Variants in PON1 observed in about 807,000 individuals in gnomAD.
PON1 encodes the protein serum paraoxonase/arylesterase 1.
Under a neutral mutation model 39.2 loss-of-function variants are expected in PON1, and 37 were observed. That is an observed-to-expected ratio of 0.94 (90% CI 0.73 to 1.24). The LOEUF (loss-of-function observed/expected upper bound fraction) is 1.24. Ranked by LOEUF, PON1 falls within the 50% of genes most tolerant of loss-of-function variation. The pLI is 0.00. For synonymous variants in PON1, 148 were observed against 152.2 expected, an observed-to-expected ratio of 0.97 and a Z score of 0.21; for missense variants, 397 against 413.5, an observed-to-expected ratio of 0.96 and a Z score of 0.35.
intron 3 of PON1, 81 bp from the exon 4 acceptor site, chr7:95,315,571 T>C: frequency 7.0e-7 from 1 of 1,427,634 alleles, no homozygotes; most frequent in Non-Finnish European, 9.8e-7. Context: ...GCCCATGGGT[T>C]CATGTTGACT....
At chr7:95,319,059 G>C (rs1164798091) in intron 1 of PON1, among the ~76,000 whole-genome samples, 2 of 151,670 alleles carry the variant, frequency 1.3e-5, no homozygotes, top group Non-Finnish European at 1.5e-5. Flanking sequence ...TGCCTGAGCA[G>C]AGCGAAGCTA....
Position 95,298,946 on chromosome 7 carries a change from A to G in PON1, c.1066T>C (p.Ter356GlnextTer11), listed in dbSNP as rs781236821. Residue 356 changes from the stop codon to glutamine, a stop_lost, in exon 9 of 9, where the codon TAA becomes CAA. Coordinates refer to ENST00000222381, the MANE Select transcript of PON1 (RefSeq NM_000446.7). ...TGGCATGGGTGCAAATCGGTCTGTT[A>G]GAGCTCACAGTAAAGAGCTTTGTGA... ...VFHKALYCEL[*>Q] The G allele has an allele frequency of 1.9e-6, 3 of 1,614,034 alleles. No individual in the cohort carries two copies. In the Admixed American group the frequency reaches 5.0e-5, roughly 27 times the overall value.
At chr7:95,307,072 TTA>T (rs138932437) in intron 6 of PON1, among the ~76,000 whole-genome samples, 51,808 of 146,494 alleles carry the variant, frequency 0.35, 9,696 homozygotes, top group East Asian at 0.61. Flanking sequence ...TTTTTTTTTT[TTA>T]AAAAAAAACA....
chr7:95,305,733 G>C (rs1807525279), intron 7 of PON1, among the ~76,000 whole-genome samples: 1 of 152,068 alleles, frequency 6.6e-6, no homozygotes, highest in African/African-American at 2.4e-5. Flanking sequence ...AGAGGGAATG[G>C]TGCCCCGTTC....
chr7:95,322,781 G>T (rs3917476), intron 1 of PON1, among the ~76,000 whole-genome samples: 11,185 of 152,140 alleles, frequency 0.074, 619 homozygotes, highest in African/African-American at 0.14. Flanking sequence ...GAGACTCGTG[G>T]GTGGGAGACT....
rs1221691994 is a variant in PON1, at chr7:95,302,338, A to C, written c.781-5T>G. The C allele has an allele frequency of 6.2e-6, 10 of 1,603,514 alleles. No homozygotes were observed. Among genetic ancestry groups the C allele is most frequent in the Non-Finnish European group, 8.5e-6 (10 of 1,171,336 alleles). On this transcript the variant is annotated splice_region_variant and splice_polypyrimidine_tract_variant and intron_variant, in intron 7 of 8. Coordinates refer to ENST00000222381, the MANE Select transcript of PON1 (RefSeq NM_000446.7). Reference sequence around the variant, plus strand: ...GAGGGTATTAAAGTCAAGGGACTTAAAAGATTAAAAACAAGAAAAGAACAA... The same window carrying C: ...GAGGGTATTAAAGTCAAGGGACTTACAAGATTAAAAACAAGAAAAGAACAA...
chr7:95,311,434 G>C lies in PON1; in HGVS notation c.497+17C>G. 6.2e-7 allele frequency: 1 copy of C among 1,613,608 alleles called. No homozygotes were observed. The highest frequency in any genetic ancestry group is 1.1e-5 in the South Asian group (1 of 91,064). On this transcript the variant is annotated intron_variant, in intron 5 of 8. Coordinates refer to ENST00000222381, the MANE Select transcript of PON1 (RefSeq NM_000446.7). ...GCTACAGCTAAAGGAAAATAGAAAT[G>C]TGATATATCTCAGTACTTAGGCAGA...
chr7:95,301,415 G>A (rs891576537), intron 8 of PON1, among the ~76,000 whole-genome samples: 9 of 152,096 alleles, frequency 5.9e-5, no homozygotes, highest in African/African-American at 1.4e-4. Context: ...ACAGGAAGGG[G>A]GAGTTGAATA....
rs1352713568 is a variant in PON1 at position 95,298,584 on chromosome 7, G to A, written c.*360C>T. 2.8e-6 allele frequency: 1 copy of A among 361,024 alleles called. No homozygotes were observed. Among genetic ancestry groups the A allele is most frequent in the East Asian group, 7.0e-5 (1 of 14,290 alleles). 22.4% of individuals were successfully genotyped at this position (361,024 alleles called of 1,614,324 possible). On this transcript the variant is annotated 3_prime_UTR_variant, in exon 9 of 9. Coordinates refer to ENST00000222381, the MANE Select transcript of PON1 (RefSeq NM_000446.7). Reference sequence around the variant, plus strand: ...CCCCTGTGTCTTCTGAACAAGACATGGCAAGGCAGCGATACACACATGTGC... The same window carrying A: ...CCCCTGTGTCTTCTGAACAAGACATAGCAAGGCAGCGATACACACATGTGC...
At chr7:95,306,860 C>A (rs1807551176) in intron 6 of PON1, among the ~76,000 whole-genome samples, 1 of 151,916 alleles carries the variant, frequency 6.6e-6, no homozygotes, top group Non-Finnish European at 1.5e-5. Context: ...TGGTCCTGAC[C>A]CTGTGGCTTT....
At chr7:95,315,975 G>C (rs1288633508) in intron 3 of PON1, among the ~76,000 whole-genome samples, 1 of 152,102 alleles carries the variant, frequency 6.6e-6, no homozygotes, top group African/African-American at 2.4e-5. Flanking sequence ...TTTATATATT[G>C]TGTTCCCATA....
At chr7:95,318,564 C>T in intron 1 of PON1, 171 bp from the exon 2 acceptor site, 1 of 606,818 alleles carries the variant, frequency 1.6e-6, no homozygotes, top group Non-Finnish European at 3.0e-6. Context: ...AAGTGGGGAA[C>T]TCTGGGTACA....
chr7:95,306,571 AG>A lies in PON1; in HGVS notation c.699-206del, dbSNP rs577443809. Among the ~76,000 whole-genome samples the A allele has an allele frequency of 6.6e-5, 10 of 152,334 alleles. No homozygotes were observed. In the South Asian group the frequency reaches 2.1e-3, roughly 32 times the overall value. On this transcript the variant is annotated intron_variant, in intron 6 of 8. Coordinates refer to ENST00000222381, the MANE Select transcript of PON1 (RefSeq NM_000446.7). ...ATCTCTGAAAAGTTGTTTCTGAAGG[AG>A]GGGACATAGTTGTCCTTATCAGTAT...
chr7:95,315,482 C>T lies in PON1; in HGVS notation c.210G>A (p.Lys70=), dbSNP rs150388378. The change falls in exon 4 of 9, where the codon AAG becomes AAA. Residue 70 remains lysine (K), a synonymous_variant. Coordinates refer to ENST00000222381, the MANE Select transcript of PON1 (RefSeq NM_000446.7). ...NGLAFISSGL[K]YPGIKSFNPN... is the part of the protein sequence containing the mutation. ...GGTTGAAGCTCTTTATTCCAGGATA[C>T]TTTAATCCCTTATAAACCATGGAGG... The T allele has an allele frequency of 5.2e-5, 84 of 1,613,796 alleles. 1 individual carries two copies. The African/African-American group carries it at 1.1e-3, about 21-fold the overall frequency.
At chr7:95,316,125 C>T (rs1453766137) in intron 3 of PON1, among the ~76,000 whole-genome samples, 1 of 152,082 alleles carries the variant, frequency 6.6e-6, no homozygotes, top group Non-Finnish European at 1.5e-5. Flanking sequence ...TTTTAAATGG[C>T]TGGATGATTG....
At chr7:95,300,029 CAT>C (rs3917571) in intron 8 of PON1, among the ~76,000 whole-genome samples, 6,305 of 152,220 alleles carry the variant, frequency 0.041, 348 homozygotes, top group African/African-American at 0.13. Context: ...GTACCATACT[CAT>C]GTGTTCTGAA....
At chr7:95,316,526 T>C (rs1422162535) in intron 3 of PON1, among the ~76,000 whole-genome samples, 4 of 152,210 alleles carry the variant, frequency 2.6e-5, no homozygotes, top group Non-Finnish European at 5.9e-5. Flanking sequence ...TATGGTTCAA[T>C]GTAGACCGAA....
At position 95,308,203 on chromosome 7, in the gene PON1, T is replaced by G. The variant is rs1003998564; in HGVS notation, c.506A>C (p.Asp169Ala). Residue 169 changes from aspartate (D) to alanine (A), a missense_variant, in exon 6 of 9, where the codon GAT becomes GCT. Physicochemically the swap from Asp to Ala is moderately radical, Grantham distance 126 (BLOSUM62 -2). Transcript: ENST00000222381. ...IRHKLLPNLN[D>A]IVAVGPEHFY... is the part of the protein sequence containing the mutation. The stretch of plus-strand genomic sequence containing the variant: ...GTGCTCAGGTCCCACAGCAACAATA[T>G]CATTCAAACTGCAATTAAAACATAC... The G allele has an allele frequency of 8.1e-6, 13 of 1,613,544 alleles. No individual in the cohort carries two copies. The highest frequency in any genetic ancestry group is 1.1e-5 in the Non-Finnish European group (13 of 1,179,672).
chr7:95,302,406 G>A (rs1317204781), intron 7 of PON1, 73 bp from the exon 8 acceptor site: 4 of 1,406,956 alleles, frequency 2.8e-6, no homozygotes, highest in Admixed American at 3.5e-5. Flanking sequence ...AAATATATCA[G>A]AGAAAAGTTG....
Sources: gnomAD v4.1 joint callset for allele counts (sites outside exome capture counted in the v4.1 genomes callset) on GRCh38, gnomAD v4.1.1 for gene constraint, MANE v1.5 for transcripts, NCBI Gene and HGNC (gene_info 2026-07-23, HGNC 2026-07-21) for gene names.